The following GPC5 variants were observed in gnomAD, a reference collection of about 807,000 sequenced individuals.
The protein encoded by GPC5 is glypican 5.
In GPC5, 47 loss-of-function variants were observed where a neutral mutation model predicts 53.9. The ratio of observed to expected loss-of-function variants is 0.87; its 90% CI spans 0.69 to 1.11. GPC5 has a LOEUF of 1.11. Ranked by LOEUF, GPC5 falls within the 50% of genes most tolerant of loss-of-function variation. The pLI is 0.00. For synonymous variants in GPC5, 286 were observed against 263.3 expected (o/e 1.09, Z -0.84); for missense variants, 748 against 713.1 (o/e 1.05, Z -0.56).
At chr13:91,828,787 A>G (rs561259538) in intron 5 of GPC5, among the ~76,000 whole-genome samples, 1 of 152,134 alleles carries the variant, frequency 6.6e-6, no homozygotes, top group African/African-American at 2.4e-5. Context: ...ATGAACCTAA[A>G]CTGATATAAG....
At chr13:92,671,818 T>C (rs1886760957) in intron 7 of GPC5, among the ~76,000 whole-genome samples, 4 of 152,176 alleles carry the variant, frequency 2.6e-5, no homozygotes. Context: ...CTGTAGACGA[T>C]TGAGAGTGGT....
intron 6 of GPC5, among the ~76,000 whole-genome samples, chr13:91,968,591 A>G (rs1262391757): frequency 6.6e-6 from 1 of 150,416 alleles, no homozygotes; most frequent in African/African-American, 2.4e-5. Context: ...CCTCCCAAGT[A>G]TCTGGGACTA....
intron 7 of GPC5, among the ~76,000 whole-genome samples, chr13:92,593,660 C>A (rs1454483088): frequency 6.6e-6 from 1 of 151,832 alleles, no homozygotes; most frequent in African/African-American, 2.4e-5. Flanking sequence ...AGTACCCTGA[C>A]TTTCTTGAGA....
chr13:91,466,079 C>G (rs904644612), intron 2 of GPC5, among the ~76,000 whole-genome samples: 2 of 152,140 alleles, frequency 1.3e-5, no homozygotes, highest in African/African-American at 4.8e-5. Flanking sequence ...ACCCTGAAGG[C>G]CAGGCCACGA....
At chr13:92,601,521 C>T (rs112065433) in intron 7 of GPC5, among the ~76,000 whole-genome samples, 2,521 of 134,630 alleles carry the variant, frequency 0.019, 80 homozygotes, top group African/African-American at 0.064. Context: ...CACCACTGCA[C>T]TCCAGCCTGG....
intron 7 of GPC5, among the ~76,000 whole-genome samples, chr13:92,270,899 G>T (rs2042835152): frequency 6.6e-6 from 1 of 152,062 alleles, no homozygotes; most frequent in South Asian, 2.1e-4. Context: ...ACATAATCTT[G>T]CTTTGTATTT....
intron 2 of GPC5, among the ~76,000 whole-genome samples, chr13:91,642,712 G>C (rs559648870): frequency 2.0e-5 from 1 of 50,760 alleles, no homozygotes; most frequent in African/African-American, 9.3e-5. Flanking sequence ...TTAAGGAAGA[G>C]CTTTTTTTTT....
At chr13:92,223,509 C>G (rs912475696) in intron 7 of GPC5, among the ~76,000 whole-genome samples, 1 of 152,072 alleles carries the variant, frequency 6.6e-6, no homozygotes, top group African/African-American at 2.4e-5. Flanking sequence ...GTTTGCTTTA[C>G]TCACCATTTG....
intron 7 of GPC5, among the ~76,000 whole-genome samples, chr13:92,206,252 G>A (rs1345419120): frequency 2.1e-5 from 3 of 145,086 alleles, no homozygotes; most frequent in South Asian, 2.3e-4. Flanking sequence ...TGCAAGCTCC[G>A]CCTCCCGGGT....
chr13:92,604,449 T>TA (rs1311535676), intron 7 of GPC5, among the ~76,000 whole-genome samples: 1 of 152,198 alleles, frequency 6.6e-6, no homozygotes, highest in East Asian at 1.9e-4. Flanking sequence ...AAATGGCTTT[T>TA]AAAAACAGAA....
chr13:91,851,432 A>G (rs2138891637), intron 5 of GPC5, among the ~76,000 whole-genome samples: 1 of 152,284 alleles, frequency 6.6e-6, no homozygotes. Flanking sequence ...CAAAGACATT[A>G]CTGTACACTA....
chr13:91,850,362 A>G (rs933025398), intron 5 of GPC5, among the ~76,000 whole-genome samples: 1 of 152,098 alleles, frequency 6.6e-6, no homozygotes, highest in Non-Finnish European at 1.5e-5. Flanking sequence ...GGTTGTCACA[A>G]CAAAGAGTTT....
intron 7 of GPC5, among the ~76,000 whole-genome samples, chr13:92,817,341 A>G (rs1248839178): frequency 1.3e-5 from 2 of 151,984 alleles, no homozygotes; most frequent in African/African-American, 4.8e-5. Flanking sequence ...CTAGAATACT[A>G]AAGCATCAAT....
At chr13:91,942,366 A>G (rs76629255) in intron 6 of GPC5, among the ~76,000 whole-genome samples, 179 of 152,184 alleles carry the variant, frequency 1.2e-3, no homozygotes, top group African/African-American at 4.1e-3. Context: ...GCTGGTGCAT[A>G]CAGTCCATCA....
At chr13:91,982,483 GAA>G (rs530802836) in intron 6 of GPC5, among the ~76,000 whole-genome samples, 1 of 143,672 alleles carries the variant, frequency 7.0e-6, no homozygotes, top group Non-Finnish European at 1.5e-5. Flanking sequence ...GTTGTTGAGT[GAA>G]AAAAAAAAGC....
At chr13:91,976,567 A>G (rs1049203955) in intron 6 of GPC5, among the ~76,000 whole-genome samples, 2 of 152,198 alleles carry the variant, frequency 1.3e-5, no homozygotes, top group Admixed American at 1.3e-4. Context: ...GATAAGGAAG[A>G]GGAGTTGGTC....
chr13:91,505,390 G>T (rs1884886755), intron 2 of GPC5, among the ~76,000 whole-genome samples: 1 of 152,174 alleles, frequency 6.6e-6, no homozygotes, highest in Non-Finnish European at 1.5e-5. Context: ...AAATGTAATA[G>T]ATGTAAACCC....
chr13:91,855,908 C>T (rs2038962417), intron 5 of GPC5, among the ~76,000 whole-genome samples: 1 of 151,306 alleles, frequency 6.6e-6, no homozygotes, highest in Non-Finnish European at 1.5e-5. Context: ...TTCATGTAGC[C>T]AAAACCTAAA....
intron 6 of GPC5, among the ~76,000 whole-genome samples, chr13:91,944,825 G>A (rs758200956): frequency 2.6e-5 from 4 of 152,118 alleles, no homozygotes; most frequent in Non-Finnish European, 4.4e-5. Flanking sequence ...ATAGCTGATA[G>A]ATATGTTGCA....
Sources: allele counts gnomAD v4.1 joint callset (sites outside exome capture counted in the v4.1 genomes callset), GRCh38; gene constraint gnomAD v4.1.1; transcripts MANE v1.5; gene names NCBI Gene and HGNC (gene_info 2026-07-23, HGNC 2026-07-21).